PLPP7: variants seen among roughly 807,000 people sequenced by gnomAD.
PLPP7 encodes phospholipid phosphatase 7 (inactive).
PLPP7 carries 11 observed loss-of-function variants against 16.9 expected under a neutral mutation model. That is an observed-to-expected ratio of 0.65 (90% CI 0.41 to 1.08). The LOEUF (loss-of-function observed/expected upper bound fraction) is 1.08. Among genes scored for constraint, PLPP7 ranks in the 50% least tolerant of loss-of-function variants. PLPP7 has a pLI of 0.00. For missense variants in PLPP7, 358 were observed against 397.1 expected (o/e 0.90, Z 0.84); for synonymous variants, 174 against 175.1 (o/e 0.99, Z 0.05).
rs1292096956 is a variant in PLPP7 at position 131,289,785 on chromosome 9, G to A, written c.-213G>A. The A allele has an allele frequency of 7.3e-6, 3 of 410,788 alleles. No homozygotes were observed. The highest frequency in any genetic ancestry group is 2.0e-5 in the African/African-American group (1 of 48,786). The allele number at this position is 410,788 out of a possible 1,614,324, so 25.4% of individuals were successfully genotyped here. A position where few individuals can be genotyped will look rare whatever the true frequency, so the allele number is the denominator to read the frequency against. On this transcript the variant is annotated 5_prime_UTR_variant, in exon 1 of 2. Transcript: ENST00000372264. ...GTGCAGGCCCCGCATTGGAGGGCTC[G>A]ATTGGCTGCCCGGCTGGCACTGACG...
rs756736716 is a variant in PLPP7 at position 131,308,019 on chromosome 9, C to G, written c.548C>G (p.Thr183Ser). 1 of 1,601,102 alleles carries G rather than the reference C, an allele frequency of 6.2e-7. No individual in the cohort carries two copies. The highest frequency in any genetic ancestry group is 8.5e-7 in the Non-Finnish European group (1 of 1,179,836). The change falls in exon 2 of 2, where the codon ACC becomes AGC. Residue 183 changes from threonine (T) to serine (S), a missense_variant. Transcript: ENST00000372264. Reference sequence around the variant, plus strand: ...AGCCCCAGCCTCCTGGACTACCTCACCATGGACATCTACGCCTTCCCGGCC... The same window carrying G: ...AGCCCCAGCCTCCTGGACTACCTCAGCATGGACATCTACGCCTTCCCGGCC... Reference protein sequence around the residue: ...ETSPSLLDYLTMDIYAFPAGH... With the variant: ...ETSPSLLDYLSMDIYAFPAGH...
At chr9:131,291,175 C>T (rs1835671910) in intron 1 of PLPP7, 2 of 1,366,018 alleles carry the variant, frequency 1.5e-6, no homozygotes, top group Admixed American at 3.8e-5. Flanking sequence ...TCCCTCCACC[C>T]AGAGGTGATG....
intron 1 of PLPP7, among the ~76,000 whole-genome samples, chr9:131,306,857 G>T (rs146463557): frequency 6.6e-6 from 1 of 152,162 alleles, no homozygotes; most frequent in Non-Finnish European, 1.5e-5. Flanking sequence ...AGAGGAGGTG[G>T]CTGCTGACAT....
intron 1 of PLPP7, among the ~76,000 whole-genome samples, chr9:131,300,376 A>T (rs987422295): frequency 2.0e-5 from 3 of 152,118 alleles, no homozygotes; most frequent in Non-Finnish European, 4.4e-5. Flanking sequence ...GGGAAAAGCA[A>T]TGTTTTGCTG....
intron 1 of PLPP7, among the ~76,000 whole-genome samples, chr9:131,307,537 G>A (rs1345803725): frequency 1.2e-4 from 11 of 91,734 alleles, no homozygotes; most frequent in African/African-American, 5.4e-4. Flanking sequence ...GGTTGACAAA[G>A]TGAAACTCTG....
At chr9:131,303,224 C>T (rs1390436301) in intron 1 of PLPP7, among the ~76,000 whole-genome samples, 3 of 150,834 alleles carry the variant, frequency 2.0e-5, no homozygotes, top group Non-Finnish European at 4.4e-5. Flanking sequence ...CCCAGCTACT[C>T]GGGAGGCTGA....
At chr9:131,307,039 G>A (rs58752559) in intron 1 of PLPP7, among the ~76,000 whole-genome samples, 3,534 of 152,104 alleles carry the variant, frequency 0.023, 122 homozygotes, top group African/African-American at 0.076. Context: ...GAGGCCAGGA[G>A]TTGGAGACCA....
At chr9:131,291,315 A>T in intron 1 of PLPP7, 2 of 1,210,366 alleles carry the variant, frequency 1.7e-6, no homozygotes, top group Middle Eastern at 3.6e-4. Flanking sequence ...TTTGAGGGAC[A>T]TGTGAGGTGG....
At chr9:131,296,057 G>C (rs1018995090) in intron 1 of PLPP7, among the ~76,000 whole-genome samples, 1 of 152,110 alleles carries the variant, frequency 6.6e-6, no homozygotes, top group Non-Finnish European at 1.5e-5. Context: ...ATTTTGTGTT[G>C]ACTTGTTTGA....
intron 1 of PLPP7, among the ~76,000 whole-genome samples, chr9:131,307,477 G>A (rs189193210): frequency 1.8e-4 from 26 of 144,270 alleles, no homozygotes; most frequent in African/African-American, 7.8e-5. Flanking sequence ...GCTTGAATCC[G>A]GGAGGCGGAG....
intron 1 of PLPP7, among the ~76,000 whole-genome samples, chr9:131,302,158 G>C (rs1418859941): frequency 2.6e-5 from 4 of 152,072 alleles, no homozygotes; most frequent in African/African-American, 9.7e-5. Flanking sequence ...CCCTCGGCCA[G>C]AAGCACCAGG....
Position 131,300,964 on chromosome 9 carries a change from GTATTTATT to G in PLPP7, c.452-6945_452-6938del, listed in dbSNP as rs1019365572. On this transcript the variant is annotated intron_variant, in intron 1 of 1. Transcript: ENST00000372264. Reference sequence around the variant, plus strand: ...GGAAAGGCAGATTTTATTTATTTATGTATTTATTTATTTATTTATTTTGAGACAGAGTC... The same window carrying G: ...GGAAAGGCAGATTTTATTTATTTATGTATTTATTTATTTTGAGACAGAGTC... Among the ~76,000 whole-genome samples, 192 of 151,962 alleles carry G rather than the reference GTATTTATT, an allele frequency of 1.3e-3. 2 individuals carry two copies. Among genetic ancestry groups the G allele is most frequent in the African/African-American group, 4.4e-3 (184 of 41,480 alleles).
chr9:131,294,908 G>A (rs1432154783), intron 1 of PLPP7, among the ~76,000 whole-genome samples: 1 of 151,902 alleles, frequency 6.6e-6, no homozygotes, highest in Non-Finnish European at 1.5e-5. Flanking sequence ...GCCTCCCAAA[G>A]TGCTGGGATT....
At chr9:131,307,711 G>A (rs950672441) in intron 1 of PLPP7, among the ~76,000 whole-genome samples, 2 of 152,136 alleles carry the variant, frequency 1.3e-5, no homozygotes, top group Admixed American at 6.5e-5. Flanking sequence ...AGGCTTCTCC[G>A]CTAAAGGAAG....
Position 131,290,114 on chromosome 9 carries a change from C to A in PLPP7, c.117C>A (p.Gly39=). 6.5e-7 allele frequency: 1 copy of A among 1,535,534 alleles called. No homozygotes were observed. The highest frequency in any genetic ancestry group is 8.8e-7 in the Non-Finnish European group (1 of 1,139,800). Residue 39 remains glycine, a synonymous_variant, in exon 1 of 2, where the codon GGC becomes GGA. Coordinates refer to ENST00000372264, the MANE Select transcript of PLPP7 (RefSeq NM_032728.4). The surrounding 1 kb of genome is among the most constrained non-coding windows in gnomAD (Gnocchi z 4.2). ...GGGGCCCGGAGCCCCGCAGCTCGGG[C>A]AGAAAGGCCTCGGGCCCATCAGCAC... The part of the protein sequence containing the change: ...PKGGPEPRSS[G]RKASGPSAQP...
intron 1 of PLPP7, among the ~76,000 whole-genome samples, chr9:131,294,569 C>G (rs1835714727): frequency 6.6e-6 from 1 of 152,176 alleles, no homozygotes; most frequent in Non-Finnish European, 1.5e-5. Flanking sequence ...CTAAGCCCAT[C>G]CTTGTTTCCT....
At chr9:131,307,900 G>A (rs772932079) in intron 1 of PLPP7, 23 bp from the exon 2 acceptor site, 5 of 1,551,680 alleles carry the variant, frequency 3.2e-6, no homozygotes, top group Non-Finnish European at 4.3e-6. Flanking sequence ...GATGGCCCAG[G>A]GGCCTCTGTC....
At chr9:131,307,572 A>C (rs1306605718) in intron 1 of PLPP7, among the ~76,000 whole-genome samples, 58 of 150,446 alleles carry the variant, frequency 3.9e-4, no homozygotes, top group African/African-American at 1.3e-3. Flanking sequence ...AAAAAAAAAA[A>C]AAAAAAAAAA....
intron 1 of PLPP7, among the ~76,000 whole-genome samples, chr9:131,297,853 A>G (rs1835751783): frequency 6.6e-6 from 1 of 152,202 alleles, no homozygotes; most frequent in Non-Finnish European, 1.5e-5. Context: ...TTTTCTCTGT[A>G]TATAAGCACG....
Sources: gnomAD v4.1 joint callset for allele counts (sites outside exome capture counted in the v4.1 genomes callset) on GRCh38, gnomAD v4.1.1 for gene constraint, Gnocchi (gnomAD v3.1) non-coding constraint, MANE v1.5 for transcripts, NCBI Gene and HGNC (gene_info 2026-07-23, HGNC 2026-07-21) for gene names.